BCAR3: variants seen among roughly 807,000 people sequenced by gnomAD.
The protein encoded by BCAR3 is breast cancer anti-estrogen resistance protein 3.
BCAR3 carries 37 observed loss-of-function variants against 80.1 expected under a neutral mutation model. The observed-to-expected ratio is 0.46, with a 90% CI of 0.36 to 0.61. The LOEUF is 0.61. Among genes scored for constraint, BCAR3 ranks in the 20% least tolerant of loss-of-function variants. The probability of loss-of-function intolerance (pLI) is 0.00; values close to 1 mark genes in which losing one functional copy is unlikely to be tolerated. For synonymous variants in BCAR3, 389 were observed against 418.9 expected, an observed-to-expected ratio of 0.93 and a Z score of 0.87; for missense variants, 978 against 1,068.2, an observed-to-expected ratio of 0.92 and a Z score of 1.18.
intron 2 of BCAR3, among the ~76,000 whole-genome samples, chr1:93,758,150 G>A (rs951448228): frequency 2.6e-4 from 39 of 152,030 alleles, no homozygotes; most frequent in Non-Finnish European, 4.6e-4. Context: ...CAGCACTCCC[G>A]AAGTCAGGAG....
Position 93,561,919 on chromosome 1 carries a change from A to G in BCAR3, c.*322T>C, listed in dbSNP as rs1342608334. ...ACTCTTCTATTTACACTTATCTGAC[A>G]TGGAATTAAAACTAAAATGGTCAAA... On this transcript the variant is annotated 3_prime_UTR_variant, in exon 12 of 12. Coordinates refer to ENST00000260502, the MANE Select transcript of BCAR3 (RefSeq NM_003567.4). 1 of 200,774 alleles carries G rather than the reference A, an allele frequency of 5.0e-6. No individual in the cohort carries two copies. The highest frequency in any genetic ancestry group is 1.0e-5 in the Non-Finnish European group (1 of 100,410). 12.4% of individuals were successfully genotyped at this position (200,774 alleles called of 1,614,324 possible). A position where few individuals can be genotyped will look rare whatever the true frequency, so the allele number is the denominator to read the frequency against.
intron 2 of BCAR3, 48 bp from the exon 3 acceptor site, chr1:93,642,391 C>CTTA: frequency 6.5e-7 from 1 of 1,534,494 alleles, no homozygotes. Context: ...ACGATGCATT[C>CTTA]TTACATTGAG....
At chr1:93,633,557 G>C (rs1230433011) in intron 3 of BCAR3, among the ~76,000 whole-genome samples, 2 of 152,176 alleles carry the variant, frequency 1.3e-5, no homozygotes. Context: ...TGGCCTCCCT[G>C]GTGTGGCCCA....
intron 5 of BCAR3, 73 bp from the exon 6 acceptor site, chr1:93,584,194 G>T: frequency 1.5e-6 from 2 of 1,359,378 alleles, no homozygotes; most frequent in Admixed American, 2.3e-5. Flanking sequence ...AATGCCATGG[G>T]AACTTAAACA....
chr1:93,643,248 G>A (rs1341451902), intron 2 of BCAR3, among the ~76,000 whole-genome samples: 2 of 150,206 alleles, frequency 1.3e-5, no homozygotes, highest in Non-Finnish European at 3.0e-5. Context: ...AAGAGGCCAG[G>A]CGTGGTGGCT....
At chr1:93,589,865 C>T (rs1385370797) in intron 4 of BCAR3, among the ~76,000 whole-genome samples, 2 of 152,160 alleles carry the variant, frequency 1.3e-5, no homozygotes, top group Non-Finnish European at 2.9e-5. Flanking sequence ...AAGAACATGA[C>T]GTTTATACAG....
rs748690524 is a variant in BCAR3, at chr1:93,825,182, T to A, written c.-63+20385A>T. On this transcript the variant is annotated intron_variant, in intron 2 of 13. Coordinates refer to the BCAR3 transcript ENST00000370244. ...CTGACAGTAATACATGATACAATAC[T>A]GGAGTGCTAACGCCTATGTCCCCCA... 2.2e-5 allele frequency among the ~76,000 whole-genome samples: 3 copies of A among 133,752 alleles called. 1 individual carries two copies. The highest frequency in any genetic ancestry group is 5.1e-5 in the Non-Finnish European group (3 of 59,264). 87.7% of individuals were successfully genotyped at this position (133,752 alleles called of 152,430 possible). A position where few individuals can be genotyped will look rare whatever the true frequency, so the allele number is the denominator to read the frequency against.
At chr1:93,624,465 AGTCT>A (rs1461430135) in intron 3 of BCAR3, among the ~76,000 whole-genome samples, 2 of 152,190 alleles carry the variant, frequency 1.3e-5, no homozygotes, top group Non-Finnish European at 2.9e-5. Context: ...CCCTGCTCTC[AGTCT>A]GTGTGGGCCC....
intron 2 of BCAR3, among the ~76,000 whole-genome samples, chr1:93,770,761 A>G (rs1271642384): frequency 6.6e-6 from 1 of 152,202 alleles, no homozygotes; most frequent in Non-Finnish European, 1.5e-5. Flanking sequence ...GACATGGGGC[A>G]ATAGAGTACC....
chr1:93,689,853 C>T (rs1649109837), intron 3 of BCAR3, among the ~76,000 whole-genome samples: 1 of 152,148 alleles, frequency 6.6e-6, no homozygotes, highest in Non-Finnish European at 1.5e-5. Context: ...TATGCTTCAC[C>T]AACTCCCCTA....
chr1:93,798,160 T>C (rs1160388597), intron 2 of BCAR3, among the ~76,000 whole-genome samples: 1 of 152,172 alleles, frequency 6.6e-6, no homozygotes, highest in East Asian at 1.9e-4. Flanking sequence ...TATAGGAAAT[T>C]GATATCCCAA....
intron 2 of BCAR3, among the ~76,000 whole-genome samples, chr1:93,648,568 T>C (rs956994756): frequency 1.1e-4 from 17 of 152,224 alleles, no homozygotes; most frequent in African/African-American, 3.6e-4. Context: ...TTGAGGTTTG[T>C]CTTCCCAGCT....
intron 2 of BCAR3, among the ~76,000 whole-genome samples, chr1:93,821,955 C>A (rs1053639571): frequency 6.6e-6 from 1 of 152,284 alleles, no homozygotes; most frequent in East Asian, 1.9e-4. Context: ...TACCAGTCTG[C>A]AATAACTGAG....
At chr1:93,787,370 C>T (rs1256099996) in intron 2 of BCAR3, among the ~76,000 whole-genome samples, 1 of 152,126 alleles carries the variant, frequency 6.6e-6, no homozygotes, top group African/African-American at 2.4e-5. Flanking sequence ...TTGGTTTGTT[C>T]TTGTTTCTCT....
At chr1:93,681,567 C>T (rs1239065545) in intron 1 of BCAR3, 31 bp downstream of exon 1, 2 of 152,164 alleles carry the variant, frequency 1.3e-5, no homozygotes, top group East Asian at 3.9e-4. Context: ...AACAGCACCC[C>T]GAGGACGCTG....
chr1:93,611,077 AT>A (rs1045252831), intron 3 of BCAR3, among the ~76,000 whole-genome samples: 6 of 152,140 alleles, frequency 3.9e-5, no homozygotes, highest in Non-Finnish European at 8.8e-5. Context: ...CACAGAGCTT[AT>A]TTTCAGACTC....
At chr1:93,637,458 A>T (rs1463533174) in intron 3 of BCAR3, among the ~76,000 whole-genome samples, 1 of 152,122 alleles carries the variant, frequency 6.6e-6, no homozygotes, top group Non-Finnish European at 1.5e-5. Context: ...CCCAGAGGAG[A>T]TAATATACAT....
chr1:93,605,845 G>A (rs1490977622), intron 3 of BCAR3, among the ~76,000 whole-genome samples: 1 of 152,200 alleles, frequency 6.6e-6, no homozygotes, highest in African/African-American at 2.4e-5. Flanking sequence ...GTAGTTGAAA[G>A]ACACCCAAAG....
intron 2 of BCAR3, among the ~76,000 whole-genome samples, chr1:93,752,350 T>C (rs995055846): frequency 2.6e-5 from 4 of 152,226 alleles, no homozygotes; most frequent in African/African-American, 9.7e-5. Flanking sequence ...GTGAGGTTTC[T>C]CCTTCCCAGG....
Sources: allele counts gnomAD v4.1 joint callset (sites outside exome capture counted in the v4.1 genomes callset), GRCh38; gene constraint gnomAD v4.1.1; transcripts MANE v1.5; gene names NCBI Gene and HGNC (gene_info 2026-07-23, HGNC 2026-07-21).